ERC2: variants seen among roughly 807,000 people sequenced by gnomAD.
ERC2 encodes ERC protein 2.
Under a neutral mutation model 114.8 loss-of-function variants are expected in ERC2, and 42 were observed. The ratio of observed to expected loss-of-function variants is 0.37; its 90% CI spans 0.29 to 0.47. The LOEUF is 0.47. Ranked by LOEUF, ERC2 falls within the 20% of genes least tolerant of loss-of-function variation. The pLI is 0.99. For missense variants in ERC2, 939 were observed against 1,150.7 expected (o/e 0.82, Z 2.66); for synonymous variants, 454 against 425.5 (o/e 1.07, Z -0.82).
Position 56,171,985 on chromosome 3 carries a change from C to CA in ERC2, c.1149+1460dup, listed in dbSNP as rs1291429804. 4.1e-3 allele frequency among the ~76,000 whole-genome samples: 490 copies of CA among 118,978 alleles called. 1 individual carries two copies. The highest frequency in any genetic ancestry group is 0.012 in the African/African-American group (381 of 32,866). The allele number at this position is 118,978 out of a possible 152,430, so 78.1% of individuals were successfully genotyped here. On this transcript the variant is annotated intron_variant, in intron 4 of 17. Coordinates refer to ENST00000288221, the MANE Select transcript of ERC2 (RefSeq NM_015576.3). ...AGTCACCCTTTGCAAAAACAAAAAA[C>CA]AAAAAAAAAAACAAGTCTTTTGTCC... is the stretch of plus-strand genomic sequence containing the variant.
chr3:55,659,344 G>A (rs2061017021), intron 17 of ERC2: 1 of 152,206 alleles, frequency 6.6e-6, no homozygotes, highest in Admixed American at 6.5e-5. Context: ...ATATTTGCAT[G>A]ATGATTTGGC....
chr3:56,169,429 T>C (rs1324866977), intron 4 of ERC2, among the ~76,000 whole-genome samples: 4 of 152,220 alleles, frequency 2.6e-5, no homozygotes, highest in Non-Finnish European at 5.9e-5. Flanking sequence ...TAATTATTAT[T>C]ACTCTAAGGG....
At chr3:56,286,741 A>G (rs1475142437) in intron 3 of ERC2, among the ~76,000 whole-genome samples, 1 of 151,894 alleles carries the variant, frequency 6.6e-6, no homozygotes, top group Non-Finnish European at 1.5e-5. Context: ...TTAAAAAGGT[A>G]AAAAACATTC....
chr3:56,198,888 C>T (rs924935443), intron 3 of ERC2, among the ~76,000 whole-genome samples: 4 of 152,122 alleles, frequency 2.6e-5, no homozygotes, highest in Admixed American at 6.6e-5. Flanking sequence ...ACCTTGGGGC[C>T]GCCAGCCCAC....
At chr3:55,786,968 C>T (rs956630614) in intron 14 of ERC2, among the ~76,000 whole-genome samples, 4 of 152,200 alleles carry the variant, frequency 2.6e-5, no homozygotes, top group African/African-American at 7.2e-5. Flanking sequence ...ACTACAAGTC[C>T]TTGCCCTGAA....
At chr3:56,254,151 C>T (rs1385658833) in intron 3 of ERC2, among the ~76,000 whole-genome samples, 2 of 152,190 alleles carry the variant, frequency 1.3e-5, no homozygotes, top group African/African-American at 4.8e-5. Flanking sequence ...CTTGTAATTG[C>T]TTTATGTCGT....
intron 3 of ERC2, among the ~76,000 whole-genome samples, chr3:56,191,767 G>A (rs2047801406): frequency 6.6e-6 from 1 of 151,906 alleles, no homozygotes; most frequent in Non-Finnish European, 1.5e-5. Flanking sequence ...CCCCACCCCA[G>A]ACACCAGGTT....
chr3:56,394,321 T>C (rs2060228969), intron 2 of ERC2, among the ~76,000 whole-genome samples: 1 of 152,206 alleles, frequency 6.6e-6, no homozygotes, highest in Admixed American at 6.5e-5. Flanking sequence ...TATTAATATT[T>C]CAAATAAAAC....
At chr3:55,563,965 C>T (rs377131930) in intron 17 of ERC2, among the ~76,000 whole-genome samples, 2 of 152,188 alleles carry the variant, frequency 1.3e-5, no homozygotes, top group East Asian at 1.9e-4. Context: ...ATATTTGCAG[C>T]GTGATCAAGA....
intron 14 of ERC2, among the ~76,000 whole-genome samples, chr3:55,884,214 A>G (rs886138979): frequency 6.6e-6 from 1 of 152,230 alleles, no homozygotes; most frequent in Non-Finnish European, 1.5e-5. Context: ...ATGCCCAATA[A>G]TGATGTAAAC....
chr3:55,757,889 A>C (rs1436825009), intron 14 of ERC2, among the ~76,000 whole-genome samples: 1 of 152,106 alleles, frequency 6.6e-6, no homozygotes, highest in Non-Finnish European at 1.5e-5. Context: ...AGGCTCAGAT[A>C]ATATTCCTCT....
rs1559693543 is a variant in ERC2 at position 55,583,543 on chromosome 3, T to TCC, written c.*40-72268_*40-72267insGG. ...TCCCTCCCTTCCTTCCTTCCTTCCT[T>TCC]TCTTCCTTCCTTCCTTCCTTCCTTC... On this transcript the variant is annotated intron_variant, in intron 17 of 17. Transcript: ENST00000288221. 5.2e-3 allele frequency among the ~76,000 whole-genome samples: 186 copies of TCC among 35,624 alleles called. 24 individuals are homozygous for TCC. The highest frequency in any genetic ancestry group is 0.022 in the South Asian group (12 of 558). The allele number at this position is 35,624 out of a possible 152,430, so 23.4% of individuals were successfully genotyped here. A position where few individuals can be genotyped will look rare whatever the true frequency, so the allele number is the denominator to read the frequency against.
intron 3 of ERC2, among the ~76,000 whole-genome samples, chr3:56,252,981 G>A (rs543377328): frequency 2.6e-5 from 4 of 152,308 alleles, no homozygotes; most frequent in South Asian, 4.1e-4. Context: ...GGAGACGTCA[G>A]CTATGTAGCA....
At chr3:56,249,333 CT>C (rs35736169) in intron 3 of ERC2, among the ~76,000 whole-genome samples, 5 of 149,946 alleles carry the variant, frequency 3.3e-5, no homozygotes, top group Non-Finnish European at 3.0e-5. Flanking sequence ...ATTAATTCAC[CT>C]TTTTTTTTTG....
chr3:55,812,142 G>A (rs897721164), intron 14 of ERC2, among the ~76,000 whole-genome samples: 1 of 152,182 alleles, frequency 6.6e-6, no homozygotes, highest in Non-Finnish European at 1.5e-5. Context: ...TTAGTTTGCT[G>A]AGGATAATAA....
chr3:56,274,882 A>C (rs2150305882), intron 3 of ERC2, among the ~76,000 whole-genome samples: 1 of 152,362 alleles, frequency 6.6e-6, no homozygotes, highest in Admixed American at 6.5e-5. Context: ...CAAGGCAAAA[A>C]TATTTATCCT....
intron 16 of ERC2, among the ~76,000 whole-genome samples, chr3:55,690,652 C>T (rs1449222975): frequency 6.6e-6 from 1 of 152,000 alleles, no homozygotes; most frequent in Non-Finnish European, 1.5e-5. Flanking sequence ...AAAAAAAACA[C>T]TCTACCCCAA....
At chr3:55,975,533 CT>C (rs991514488) in intron 12 of ERC2, among the ~76,000 whole-genome samples, 2 of 152,110 alleles carry the variant, frequency 1.3e-5, no homozygotes, top group Non-Finnish European at 2.9e-5. Flanking sequence ...GTACTTTTGT[CT>C]TTTAAAAAAA....
At chr3:55,671,873 A>G (rs776767398) in intron 17 of ERC2, among the ~76,000 whole-genome samples, 2 of 152,162 alleles carry the variant, frequency 1.3e-5, no homozygotes, top group East Asian at 3.9e-4. Flanking sequence ...TGTGAGAAGA[A>G]AAGGGGCTGT....
Sources: gnomAD v4.1 joint callset for allele counts (sites outside exome capture counted in the v4.1 genomes callset) on GRCh38, gnomAD v4.1.1 for gene constraint, MANE v1.5 for transcripts, NCBI Gene and HGNC (gene_info 2026-07-23, HGNC 2026-07-21) for gene names.